SLCO3A1: variants seen among roughly 807,000 people sequenced by gnomAD.
The protein encoded by SLCO3A1 is solute carrier organic anion transporter family member 3A1.
A neutral mutation model predicts 63.1 loss-of-function variants in SLCO3A1; 27 were observed. The ratio of observed to expected loss-of-function variants is 0.43; its 90% CI spans 0.32 to 0.59. SLCO3A1 has a LOEUF of 0.59. SLCO3A1 is among the 20% of genes least tolerant of loss of function. The pLI is 0.09. For missense variants in SLCO3A1, 773 were observed against 945.8 expected (o/e 0.82, Z 2.40); for synonymous variants, 473 against 409.9 (o/e 1.15, Z -1.86).
chr15:91,980,149 T>C (rs1357426960), intron 2 of SLCO3A1, among the ~76,000 whole-genome samples: 1 of 152,160 alleles, frequency 6.6e-6, no homozygotes, highest in Non-Finnish European at 1.5e-5. Flanking sequence ...CCTCTCGGCC[T>C]CAGCTGTCCC....
At chr15:92,009,036 T>A (rs992802125) in intron 2 of SLCO3A1, among the ~76,000 whole-genome samples, 17 of 152,214 alleles carry the variant, frequency 1.1e-4, no homozygotes, top group Non-Finnish European at 2.5e-4. Context: ...TCTGACATGT[T>A]CTTTTTAATT....
At chr15:91,982,436 GT>G (rs1199891585) in intron 2 of SLCO3A1, among the ~76,000 whole-genome samples, 2 of 152,218 alleles carry the variant, frequency 1.3e-5, no homozygotes, top group East Asian at 3.8e-4. Flanking sequence ...TCCTTTAAGG[GT>G]TCATAAGATT....
chr15:91,960,444 G>A (rs986668328), intron 2 of SLCO3A1, among the ~76,000 whole-genome samples: 2 of 152,158 alleles, frequency 1.3e-5, no homozygotes, highest in Admixed American at 6.5e-5. Flanking sequence ...CTGCTCTGAA[G>A]GTTTGTATAC....
At position 91,945,235 on chromosome 15, in the gene SLCO3A1, G is replaced by T. The variant is rs552831226; in HGVS notation, c.646+28777G>T. On this transcript the variant is annotated intron_variant, in intron 2 of 9. Coordinates refer to ENST00000318445, the MANE Select transcript of SLCO3A1 (RefSeq NM_013272.4). ...CGTGTGCCTGTAATCTCAGCTACTT[G>T]GGAGGCTGAGGCAGGAGAATCACTT... is the stretch of plus-strand genomic sequence containing the variant. Among the ~76,000 whole-genome samples the T allele has an allele frequency of 1.5e-3, 228 of 152,068 alleles. 8 individuals are homozygous for T. The South Asian group carries it at 0.046, about 30-fold the overall frequency.
At chr15:92,160,340 A>G (rs994644605) in intron 9 of SLCO3A1, among the ~76,000 whole-genome samples, 1 of 152,060 alleles carries the variant, frequency 6.6e-6, no homozygotes, top group African/African-American at 2.4e-5. Flanking sequence ...AGTTTCTATT[A>G]TGCGGTTGCC....
At chr15:92,035,387 G>T (rs1183190694) in intron 2 of SLCO3A1, among the ~76,000 whole-genome samples, 3 of 151,812 alleles carry the variant, frequency 2.0e-5, no homozygotes, top group African/African-American at 7.2e-5. Flanking sequence ...GGCCCAAAGG[G>T]ATACAGAAAC....
At position 92,160,494 on chromosome 15, in the gene SLCO3A1, T is replaced by C. The variant is rs1252584614; in HGVS notation, c.1754-2262T>C. Among the ~76,000 whole-genome samples, 2 of 152,062 alleles carry C rather than the reference T, an allele frequency of 1.3e-5. 1 individual carries two copies. The highest frequency in any genetic ancestry group is 2.9e-5 in the Non-Finnish European group (2 of 68,022). On this transcript the variant is annotated intron_variant, in intron 9 of 9. Transcript: ENST00000318445. The stretch of plus-strand genomic sequence containing the variant: ...GGGATCACAGGGAATGCTACGAATA[T>C]GCGCTTCCATTCGGCAGGACCACAG...
chr15:92,103,818 C>T (rs543930861), intron 3 of SLCO3A1, among the ~76,000 whole-genome samples: 1 of 151,910 alleles, frequency 6.6e-6, no homozygotes, highest in African/African-American at 2.4e-5. Context: ...GTGCGCCTCC[C>T]CTTATGAGCT....
intron 8 of SLCO3A1, 96 bp from the exon 9 acceptor site, chr15:92,150,854 C>T (rs553026510): frequency 4.0e-6 from 3 of 754,244 alleles, no homozygotes; most frequent in South Asian, 1.9e-5. Flanking sequence ...TAAAGAAGAG[C>T]TCTGATGGAC....
intron 2 of SLCO3A1, among the ~76,000 whole-genome samples, chr15:91,985,062 C>T (rs2046035070): frequency 6.6e-6 from 1 of 152,164 alleles, no homozygotes; most frequent in Non-Finnish European, 1.5e-5. Context: ...ATGACCACCA[C>T]CCAGATCAAG....
At position 91,917,655 on chromosome 15, in the gene SLCO3A1, G is replaced by GGGGAAGAGAAAACGGCTCA. The variant is rs575294040; in HGVS notation, c.646+1200_646+1218dup. Among the ~76,000 whole-genome samples, 200 of 152,298 alleles carry GGGGAAGAGAAAACGGCTCA rather than the reference G, an allele frequency of 1.3e-3. 2 individuals carry two copies. The East Asian group carries it at 0.027, about 20-fold the overall frequency. ...AGTCACCAGCTACCTATGGAACAAAGGGGAAGAGAAAACGGCTCAGGCCAG... is the reference window on the plus strand; with the variant it reads ...AGTCACCAGCTACCTATGGAACAAAGGGGAAGAGAAAACGGCTCAGGGAAGAGAAAACGGCTCAGGCCAG... On this transcript the variant is annotated intron_variant, in intron 2 of 9. Transcript: ENST00000318445.
intron 2 of SLCO3A1, among the ~76,000 whole-genome samples, chr15:91,995,724 G>T (rs866006270): frequency 3.1e-3 from 265 of 84,952 alleles, no homozygotes; most frequent in African/African-American, 0.01. Flanking sequence ...TACCTTGAAA[G>T]ATTTTCTTGA....
intron 2 of SLCO3A1, among the ~76,000 whole-genome samples, chr15:92,008,400 A>G (rs991170671): frequency 6.6e-6 from 1 of 152,308 alleles, no homozygotes; most frequent in East Asian, 1.9e-4. Context: ...CTGCTGTAAA[A>G]ACAGAATCAT....
At chr15:92,117,360 C>T (rs1474972957) in intron 4 of SLCO3A1, among the ~76,000 whole-genome samples, 2 of 152,186 alleles carry the variant, frequency 1.3e-5, no homozygotes, top group Non-Finnish European at 2.9e-5. Context: ...GGCTGTGATG[C>T]TTTATTCTCC....
In SLCO3A1 at chr15:91,954,989, C is replaced by T. The variant is rs1900121641; in HGVS notation, c.646+38531C>T. On this transcript the variant is annotated intron_variant, in intron 2 of 9. Coordinates refer to ENST00000318445, the MANE Select transcript of SLCO3A1 (RefSeq NM_013272.4). The surrounding 1 kb of genome is among the most constrained non-coding windows in gnomAD (Gnocchi z 4.7). The stretch of plus-strand genomic sequence containing the variant: ...CTCTGATCAGATGCTCAGTTGTCTC[C>T]CTTCTCTGCTTCCCTCACTTGCCAG... 6.6e-6 allele frequency among the ~76,000 whole-genome samples: 1 copy of T among 152,118 alleles called. No homozygotes were observed. Among genetic ancestry groups the T allele is most frequent in the African/African-American group, 2.4e-5 (1 of 41,414 alleles).
intron 2 of SLCO3A1, among the ~76,000 whole-genome samples, chr15:92,081,457 C>T (rs191912780): frequency 3.2e-4 from 49 of 152,198 alleles, no homozygotes; most frequent in Admixed American, 6.5e-4. Context: ...GCAACCTCCA[C>T]CTCACAGATT....
intron 1 of SLCO3A1, among the ~76,000 whole-genome samples, chr15:91,881,222 C>T (rs1343570700): frequency 6.6e-6 from 1 of 152,234 alleles, no homozygotes; most frequent in Non-Finnish European, 1.5e-5. Flanking sequence ...TATTCTAGGA[C>T]AGGAAGCAGA....
intron 4 of SLCO3A1, among the ~76,000 whole-genome samples, chr15:92,112,665 C>T (rs779303021): frequency 5.9e-5 from 9 of 152,218 alleles, no homozygotes; most frequent in Non-Finnish European, 1.3e-4. Flanking sequence ...TTTGTACAGG[C>T]AGGGGACATG....
chr15:91,974,740 T>A (rs984919665), intron 2 of SLCO3A1, among the ~76,000 whole-genome samples: 1 of 152,198 alleles, frequency 6.6e-6, no homozygotes, highest in Non-Finnish European at 1.5e-5. Context: ...TGTGCTGTGC[T>A]GGCAGGAAGG....
Sources: allele counts gnomAD v4.1 joint callset (sites outside exome capture counted in the v4.1 genomes callset), GRCh38; gene constraint gnomAD v4.1.1; non-coding constraint Gnocchi (gnomAD v3.1); transcripts MANE v1.5; gene names NCBI Gene and HGNC (gene_info 2026-07-23, HGNC 2026-07-21).